SERINC5: variants seen among roughly 807,000 people sequenced by gnomAD.
The protein encoded by SERINC5 is chromosome 5 open reading frame 12.
A neutral mutation model predicts 63.1 loss-of-function variants in SERINC5; 41 were observed. That is an observed-to-expected ratio of 0.65 (90% CI 0.51 to 0.84). SERINC5 has a LOEUF of 0.84. SERINC5 is among the 40% of genes least tolerant of loss of function. SERINC5 has a pLI of 0.00. For missense variants in SERINC5, 523 were observed against 573.0 expected (o/e 0.91, Z 0.89); for synonymous variants, 222 against 215.2 (o/e 1.03, Z -0.28).
chr5:80,155,382 T>C (rs905997752), intron 8 of SERINC5, among the ~76,000 whole-genome samples: 11 of 152,024 alleles, frequency 7.2e-5, no homozygotes, highest in Non-Finnish European at 1.3e-4. Context: ...CTGACCAACA[T>C]GGTGAAACCC....
intron 2 of SERINC5, among the ~76,000 whole-genome samples, chr5:80,183,395 C>G (rs550805843): frequency 6.6e-6 from 1 of 152,222 alleles, no homozygotes; most frequent in East Asian, 1.9e-4. Context: ...CCAGCGAGAA[C>G]AGTCTGGTCT....
chr5:80,242,222 G>A (rs1016224741), intron 1 of SERINC5, among the ~76,000 whole-genome samples: 54 of 152,254 alleles, frequency 3.5e-4, no homozygotes, highest in African/African-American at 1.0e-3. Context: ...GTTCTATCAC[G>A]TCTATAAAAA....
chr5:80,167,749 T>C (rs1467179702), intron 6 of SERINC5, among the ~76,000 whole-genome samples: 4 of 152,214 alleles, frequency 2.6e-5, no homozygotes, highest in Non-Finnish European at 4.4e-5. Context: ...TTGAAAGTTA[T>C]AATATTTCAA....
intron 1 of SERINC5, among the ~76,000 whole-genome samples, chr5:80,236,272 T>C (rs994631571): frequency 6.6e-6 from 1 of 152,144 alleles, no homozygotes; most frequent in Non-Finnish European, 1.5e-5. Context: ...ATTTTACAGA[T>C]GTACAAACTA....
chr5:80,255,846 G>A (rs1305065705), intron 1 of SERINC5, 50 bp downstream of exon 1: 2 of 1,576,238 alleles, frequency 1.3e-6, no homozygotes, highest in Non-Finnish European at 1.7e-6. Context: ...TGGACTCCTG[G>A]CCCGGTTCTC....
chr5:80,212,506 A>G (rs1750478537), intron 1 of SERINC5, among the ~76,000 whole-genome samples: 1 of 152,186 alleles, frequency 6.6e-6, no homozygotes, highest in Non-Finnish European at 1.5e-5. Context: ...GGTCTGCAGA[A>G]GAAATGAACA....
chr5:80,214,217 G>T (rs1750561524), intron 1 of SERINC5, among the ~76,000 whole-genome samples: 2 of 152,020 alleles, frequency 1.3e-5, no homozygotes, highest in South Asian at 4.1e-4. Context: ...AGCATTTTGG[G>T]TAAAAATATA....
At chr5:80,205,542 A>G (rs1345380037) in intron 1 of SERINC5, among the ~76,000 whole-genome samples, 1 of 152,226 alleles carries the variant, frequency 6.6e-6, no homozygotes, top group Non-Finnish European at 1.5e-5. Context: ...CCAGAGTTTC[A>G]TGTCCCAAAT....
chr5:80,173,852 C>T (rs1290980356), intron 5 of SERINC5, among the ~76,000 whole-genome samples: 1 of 152,000 alleles, frequency 6.6e-6, no homozygotes, highest in East Asian at 1.9e-4. Flanking sequence ...TTTTTAAGGC[C>T]CTCTGGTGCT....
chr5:80,230,453 A>AT (rs1751386145), intron 1 of SERINC5, among the ~76,000 whole-genome samples: 1 of 147,550 alleles, frequency 6.8e-6, no homozygotes, highest in South Asian at 2.1e-4. Context: ...CACAAAAAAA[A>AT]AAAAAAAAAG....
At chr5:80,241,851 A>G (rs1349456810) in intron 1 of SERINC5, among the ~76,000 whole-genome samples, 1 of 152,128 alleles carries the variant, frequency 6.6e-6, no homozygotes, top group Non-Finnish European at 1.5e-5. Flanking sequence ...GGCTGGGTAC[A>G]ATGGCTCACA....
chr5:80,133,619 A>G (rs1439533876), intron 11 of SERINC5, among the ~76,000 whole-genome samples: 3 of 152,260 alleles, frequency 2.0e-5, no homozygotes, highest in African/African-American at 7.2e-5. Context: ...TCTAAAATCA[A>G]AATAAAACTT....
At chr5:80,148,746 G>C (rs746026287) in intron 9 of SERINC5, among the ~76,000 whole-genome samples, 2 of 152,116 alleles carry the variant, frequency 1.3e-5, no homozygotes, top group African/African-American at 2.4e-5. Flanking sequence ...AGCCTGGGAA[G>C]TGCAGGGCCC....
rs1462342818 is a variant in SERINC5, at chr5:80,227,036, T to C, written c.28-23983A>G. On this transcript the variant is annotated intron_variant, in intron 1 of 11. Transcript: ENST00000507668. ...TCAGCATCCTGAGTAGCTGGGATTA[T>C]AGGTGCCCCCCACCACGCCCGGCTA... Among the ~76,000 whole-genome samples, 4 of 152,146 alleles carry C rather than the reference T, an allele frequency of 2.6e-5. 1 individual carries two copies. The highest frequency in any genetic ancestry group is 2.1e-4 in the South Asian group (1 of 4,830).
In SERINC5 at chr5:80,220,786, G is replaced by GA. The variant is rs577183091; in HGVS notation, c.28-17734dup. On this transcript the variant is annotated intron_variant, in intron 1 of 11. Coordinates refer to ENST00000507668, the MANE Select transcript of SERINC5 (RefSeq NM_001174072.3). ...GAGGGGGGCAATCAAGTAGTAACTG[G>GA]AAAAAAAAGGACTCTGATGTGGTGG... Among the ~76,000 whole-genome samples, 921 of 151,884 alleles carry GA rather than the reference G, an allele frequency of 6.1e-3. 11 individuals are homozygous for GA. The highest frequency in any genetic ancestry group is 0.021 in the African/African-American group (866 of 41,404).
intron 1 of SERINC5, among the ~76,000 whole-genome samples, chr5:80,209,401 G>C (rs1345658352): frequency 6.6e-6 from 1 of 152,188 alleles, no homozygotes; most frequent in African/African-American, 2.4e-5. Flanking sequence ...ACAAGCCAAG[G>C]AGAGAGGCCT....
At chr5:80,217,898 C>T (rs1750739743) in intron 1 of SERINC5, among the ~76,000 whole-genome samples, 1 of 152,102 alleles carries the variant, frequency 6.6e-6, no homozygotes, top group African/African-American at 2.4e-5. Flanking sequence ...GGCTCAAGGA[C>T]AAATCTAGTG....
chr5:80,211,093 C>G (rs1750408657), intron 1 of SERINC5, among the ~76,000 whole-genome samples: 1 of 152,200 alleles, frequency 6.6e-6, no homozygotes, highest in East Asian at 1.9e-4. Flanking sequence ...TGTTGAAAAA[C>G]AAACTGCAAC....
intron 7 of SERINC5, among the ~76,000 whole-genome samples, chr5:80,159,386 A>G (rs573937773): frequency 6.6e-6 from 1 of 152,250 alleles, no homozygotes; most frequent in South Asian, 2.1e-4. Context: ...TGTAAGTGAT[A>G]TGATAATCGT....
Sources: allele counts gnomAD v4.1 joint callset (sites outside exome capture counted in the v4.1 genomes callset), GRCh38; gene constraint gnomAD v4.1.1; transcripts MANE v1.5; gene names NCBI Gene and HGNC (gene_info 2026-07-23, HGNC 2026-07-21).